Variants in CLCNKB observed in about 807,000 individuals in gnomAD.
The protein encoded by CLCNKB is chloride channel protein ClC-Kb.
Under a neutral mutation model 83.8 loss-of-function variants are expected in CLCNKB, and 74 were observed. That is an observed-to-expected ratio of 0.88 (90% CI 0.73 to 1.07). The LOEUF (loss-of-function observed/expected upper bound fraction) is 1.07. Ranked by LOEUF, CLCNKB falls within the 50% of genes least tolerant of loss-of-function variation. The probability of loss-of-function intolerance (pLI) is 0.00; values close to 1 mark genes in which losing one functional copy is unlikely to be tolerated. For synonymous variants in CLCNKB, 358 were observed against 356.6 expected, an observed-to-expected ratio of 1.00 and a Z score of -0.04; for missense variants, 798 against 893.6, an observed-to-expected ratio of 0.89 and a Z score of 1.36.
Position 16,044,557 on chromosome 1 carries a change from G to A in CLCNKB, c.65G>A (p.Trp22Ter), listed in dbSNP as rs1279122450. Residue 22 changes from tryptophan to a stop codon, truncating the protein, a stop_gained, in exon 2 of 20, where the codon TGG (tryptophan) becomes TAG (stop). Transcript: ENST00000375679. LOFTEE classifies it high-confidence loss of function. ...AACCCTGTGACTCTGCAGGAGCTGT[G>A]GGGCCCCTGTCCCCGCATCCGCCGA... ...SGNPVTLQEL[W>*]GPCPRIRRGI... 6.2e-7 allele frequency: 1 copy of A among 1,606,358 alleles called. No individual in the cohort carries two copies. The highest frequency in any genetic ancestry group is 8.5e-7 in the Non-Finnish European group (1 of 1,177,242).
chr1:16,053,606 T>C (rs1435124959), intron 15 of CLCNKB, 33 bp from the exon 16 acceptor site: 1 of 1,613,678 alleles, frequency 6.2e-7, no homozygotes, highest in South Asian at 1.1e-5. Context: ...CATCCCTGAC[T>C]GTGGGGCCTG....
At chr1:16,054,219 G>C (rs1270994134) in intron 16 of CLCNKB, among the ~76,000 whole-genome samples, 2 of 152,192 alleles carry the variant, frequency 1.3e-5, no homozygotes, top group African/African-American at 2.4e-5. Context: ...ACCTTAACTA[G>C]AGCGTCATTT....
At chr1:16,054,064 C>T (rs2023372829) in intron 16 of CLCNKB, among the ~76,000 whole-genome samples, 2 of 152,106 alleles carry the variant, frequency 1.3e-5, no homozygotes, top group South Asian at 2.1e-4. Flanking sequence ...CAGGGTCTTC[C>T]GGAAGCTTCC....
At chr1:16,045,999 T>G (rs1374740020) in intron 3 of CLCNKB, among the ~76,000 whole-genome samples, 2 of 152,054 alleles carry the variant, frequency 1.3e-5, no homozygotes, top group Non-Finnish European at 2.9e-5. Context: ...TGGGGCAGAG[T>G]GGGGGCACTT....
At position 16,049,224 on chromosome 1, in the gene CLCNKB, G is replaced by T; in HGVS notation, c.760G>T (p.Ala254Ser). The T allele has an allele frequency of 6.2e-7, 1 of 1,613,840 alleles. No homozygotes were observed. ...CGGGGCCTTCATGTTCCGGCTCCTG[G>T]CGGTCTTCAACAGCGAGCAGGGTGA... Reference protein sequence around the residue: ...TCGAFMFRLLAVFNSEQETIT... With the variant: ...TCGAFMFRLLSVFNSEQETIT... Residue 254 changes from alanine (A) to serine (S), a missense_variant, in exon 8 of 20, where the codon GCG (alanine) becomes TCG (serine). Transcript: ENST00000375679.
intron 3 of CLCNKB, among the ~76,000 whole-genome samples, chr1:16,045,934 C>G (rs1354809029): frequency 6.6e-6 from 1 of 152,214 alleles, no homozygotes; most frequent in Non-Finnish European, 1.5e-5. Context: ...CTCCTCTGAG[C>G]TCTCTGCCTC....
chr1:16,051,414 C>A, intron 12 of CLCNKB, 64 bp from the exon 13 acceptor site: 1 of 1,573,774 alleles, frequency 6.4e-7, no homozygotes, highest in Non-Finnish European at 8.7e-7. Flanking sequence ...CATGTCCTGT[C>A]CTCCCTTGTC....
In CLCNKB at chr1:16,044,548, A is replaced by C; in HGVS notation, c.56A>C (p.Gln19Pro). ...EGSSGNPVTL[Q>P]ELWGPCPRIR... The stretch of plus-strand genomic sequence containing the variant: ...TCCTCAGGGAACCCTGTGACTCTGC[A>C]GGAGCTGTGGGGCCCCTGTCCCCGC... Residue 19 changes from glutamine (Q) to proline (P), a missense_variant, in exon 2 of 20, where the codon CAG becomes CCG. By Grantham distance (76) the Gln-to-Pro change is moderately conservative (BLOSUM62 -1). Transcript: ENST00000375679. 6.2e-7 allele frequency: 1 copy of C among 1,606,992 alleles called. No individual in the cohort carries two copies.
chr1:16,051,586 T>C (rs1340539514), intron 13 of CLCNKB, 39 bp downstream of exon 13: 5 of 1,612,444 alleles, frequency 3.1e-6, no homozygotes, highest in Non-Finnish European at 4.2e-6. Flanking sequence ...GTTTCGGGGT[T>C]CTTGGGGCAG....
chr1:16,050,059 C>T (rs2023240048), intron 10 of CLCNKB, 143 bp downstream of exon 10: 2 of 153,036 alleles, frequency 1.3e-5, no homozygotes, highest in Non-Finnish European at 2.3e-5. Flanking sequence ...CCCCTAACAC[C>T]ACCTACAAGT....
At chr1:16,045,774 G>T in intron 3 of CLCNKB, 88 bp downstream of exon 3, 2 of 1,205,254 alleles carry the variant, frequency 1.7e-6, no homozygotes, top group African/African-American at 1.6e-5. Flanking sequence ...AGGTGCAGCG[G>T]AGGTTGGGGG....
At position 16,051,837 on chromosome 1, in the gene CLCNKB, C is replaced by T. The variant is rs1229376288; in HGVS notation, c.1408+17C>T. ...CTCTGGCAGGTGAGTGGGTCAGGGG[C>T]CTGCTGCGTGGGCAATGTCGTGCGG... On this transcript the variant is annotated intron_variant, in intron 14 of 19. Transcript: ENST00000375679. The T allele has an allele frequency of 1.3e-6, 2 of 1,590,034 alleles. No individual in the cohort carries two copies. Among genetic ancestry groups the T allele is most frequent in the East Asian group, 4.5e-5 (2 of 44,776 alleles).
intron 14 of CLCNKB, 45 bp downstream of exon 14, chr1:16,051,865 G>A (rs750683247): frequency 6.0e-6 from 9 of 1,509,674 alleles, no homozygotes; most frequent in African/African-American, 1.4e-5. Flanking sequence ...TCGTGCGGCT[G>A]GGCTGGACCT....
intron 4 of CLCNKB, 59 bp downstream of exon 4, chr1:16,046,722 G>A: frequency 6.2e-7 from 1 of 1,605,086 alleles, no homozygotes; most frequent in Non-Finnish European, 8.5e-7. Context: ...GATCCCAGGG[G>A]GGAGTCGGGA....
chr1:16,054,268 A>G (rs1325065811), intron 16 of CLCNKB, among the ~76,000 whole-genome samples: 2 of 152,188 alleles, frequency 1.3e-5, no homozygotes, highest in Non-Finnish European at 2.9e-5. Flanking sequence ...TTAGAAGATA[A>G]GGCGGGGTTG....
intron 15 of CLCNKB, 28 bp from the exon 16 acceptor site, chr1:16,053,611 G>A (rs2023359819): frequency 6.2e-7 from 1 of 1,613,618 alleles, no homozygotes; most frequent in South Asian, 1.1e-5. Context: ...CTGACTGTGG[G>A]GCCTGATGGG....
chr1:16,054,692 C>G (rs1557473010), intron 16 of CLCNKB, among the ~76,000 whole-genome samples: 2 of 152,062 alleles, frequency 1.3e-5, no homozygotes, highest in Non-Finnish European at 2.9e-5. Context: ...ATGACCCCAC[C>G]AAGAGCCTTC....
rs369457928 is a variant in CLCNKB, at chr1:16,053,657, G to A, written c.1641G>A (p.Val547=). Residue 547 remains valine, a synonymous_variant, in exon 16 of 20, where the codon GTG becomes GTA. Coordinates refer to ENST00000375679, the MANE Select transcript of CLCNKB (RefSeq NM_000085.5). The part of the protein sequence containing the change: ...GRNIGSHRVR[V]EHFMNHSITT... ...CCTGCAGTTCCCACCGCGTGAGGGT[G>A]GAGCACTTCATGAACCACAGCATCA... 2.0e-4 allele frequency: 319 copies of A among 1,613,860 alleles called. No individual in the cohort carries two copies. Among genetic ancestry groups the A allele is most frequent in the Non-Finnish European group, 2.6e-4 (303 of 1,180,036 alleles).
chr1:16,048,805 G>C, intron 7 of CLCNKB: 1 of 1,445,612 alleles, frequency 6.9e-7, no homozygotes, highest in East Asian at 2.5e-5. Context: ...ATACAGACTT[G>C]GGTTTGAAAT....
Sources: gnomAD v4.1 joint callset for allele counts (sites outside exome capture counted in the v4.1 genomes callset) on GRCh38, gnomAD v4.1.1 for gene constraint, MANE v1.5 for transcripts, NCBI Gene and HGNC (gene_info 2026-07-23, HGNC 2026-07-21) for gene names.